NAALADL2: variants seen among roughly 807,000 people sequenced by gnomAD.
The protein encoded by NAALADL2 is N-acetylated alpha-linked acidic dipeptidase like 2.
In NAALADL2, 76 loss-of-function variants were observed where a neutral mutation model predicts 87.2. The observed-to-expected ratio is 0.87, with a 90% CI of 0.72 to 1.05. The LOEUF (loss-of-function observed/expected upper bound fraction) is 1.05. Ranked by LOEUF, NAALADL2 falls within the 50% of genes least tolerant of loss-of-function variation. The pLI is 0.00. For synonymous variants in NAALADL2, 354 were observed against 331.0 expected, an observed-to-expected ratio of 1.07 and a Z score of -0.75; for missense variants, 1,089 against 945.8, an observed-to-expected ratio of 1.15 and a Z score of -1.99.
At chr3:175,551,454 G>T (rs1470403393) in intron 9 of NAALADL2, among the ~76,000 whole-genome samples, 2 of 152,078 alleles carry the variant, frequency 1.3e-5, no homozygotes, top group African/African-American at 4.8e-5. Flanking sequence ...GACAAGATTG[G>T]TTGGCTTCAC....
At chr3:175,465,069 C>T (rs926732382) in intron 7 of NAALADL2, among the ~76,000 whole-genome samples, 3 of 151,844 alleles carry the variant, frequency 2.0e-5, no homozygotes, top group Non-Finnish European at 4.4e-5. Context: ...TCAAATTTTG[C>T]TTATTTGAAT....
At chr3:174,905,993 AT>A (rs1365112161) in intron 1 of NAALADL2, among the ~76,000 whole-genome samples, 1 of 151,824 alleles carries the variant, frequency 6.6e-6, no homozygotes, top group African/African-American at 2.4e-5. Flanking sequence ...TTAATTCTTC[AT>A]TTTTTTCTCG....
chr3:175,767,421 C>T (rs976364328), intron 13 of NAALADL2: 11 of 151,960 alleles, frequency 7.2e-5, no homozygotes, highest in African/African-American at 2.7e-4. Context: ...CTAGTATTTC[C>T]TCCCAGTCTA....
chr3:175,171,514 A>G (rs537593676), intron 2 of NAALADL2, among the ~76,000 whole-genome samples: 1 of 152,248 alleles, frequency 6.6e-6, no homozygotes, highest in East Asian at 1.9e-4. Context: ...CAATGGGTAT[A>G]TGAACATTGG....
intron 2 of NAALADL2, among the ~76,000 whole-genome samples, chr3:174,688,269 C>T (rs1026912233): frequency 3.9e-5 from 6 of 152,022 alleles, no homozygotes; most frequent in African/African-American, 1.4e-4. Context: ...ATTATAGTTA[C>T]CACCTCAATG....
intron 5 of NAALADL2, among the ~76,000 whole-genome samples, chr3:175,400,882 T>C (rs956867211): frequency 5.9e-5 from 9 of 152,148 alleles, no homozygotes; most frequent in African/African-American, 2.2e-4. Context: ...ATCAGGAAGT[T>C]GGTATTTGAA....
At chr3:175,025,293 T>G (rs55723843) in intron 1 of NAALADL2, among the ~76,000 whole-genome samples, 3,752 of 152,076 alleles carry the variant, frequency 0.025, 166 homozygotes, top group African/African-American at 0.087. Context: ...CAGGGATGGG[T>G]AAAACTGGTC....
At chr3:175,551,022 A>G (rs1714256908) in intron 9 of NAALADL2, among the ~76,000 whole-genome samples, 1 of 152,086 alleles carries the variant, frequency 6.6e-6, no homozygotes, top group African/African-American at 2.4e-5. Context: ...TCTGAAAAGC[A>G]TTTTTTATCA....
At chr3:175,701,818 T>C (rs981682676) in intron 11 of NAALADL2, among the ~76,000 whole-genome samples, 1 of 152,224 alleles carries the variant, frequency 6.6e-6, no homozygotes, top group Non-Finnish European at 1.5e-5. Flanking sequence ...ATTATTGTAA[T>C]TGAATTAACT....
chr3:174,550,852 G>C (rs1712034151), intron 2 of NAALADL2: 1 of 151,784 alleles, frequency 6.6e-6, no homozygotes, highest in African/African-American at 2.4e-5. Flanking sequence ...TAATTTTATA[G>C]CATTTTAAAT....
At chr3:174,872,239 G>A (rs1425342092) in intron 1 of NAALADL2, among the ~76,000 whole-genome samples, 1 of 152,048 alleles carries the variant, frequency 6.6e-6, no homozygotes, top group African/African-American at 2.4e-5. Context: ...TTTAGGGGAT[G>A]GGCATTACTT....
rs35378819 is a variant in NAALADL2 at position 175,435,851 on chromosome 3, C to CTT, written c.1091-11365_1091-11364dup. Among the ~76,000 whole-genome samples the CTT allele has an allele frequency of 1.9e-3, 272 of 144,832 alleles. 2 individuals are homozygous for CTT. Among genetic ancestry groups the CTT allele is most frequent in the East Asian group, 0.011 (56 of 4,896 alleles). On this transcript the variant is annotated intron_variant, in intron 5 of 13. Coordinates refer to ENST00000454872, the MANE Select transcript of NAALADL2 (RefSeq NM_207015.3). ...TAACAAAGACTTTACCTGTGTAGTA[C>CTT]TTTTTTTTTTTTTTATACTTTAAGT...
chr3:175,355,975 C>T (rs1764312600), intron 5 of NAALADL2, among the ~76,000 whole-genome samples: 1 of 152,052 alleles, frequency 6.6e-6, no homozygotes, highest in African/African-American at 2.4e-5. Flanking sequence ...GTAGGGAGAA[C>T]ATGAGATTTT....
chr3:175,058,653 CTG>C (rs1712756730), intron 1 of NAALADL2, among the ~76,000 whole-genome samples: 1 of 152,132 alleles, frequency 6.6e-6, no homozygotes, highest in African/African-American at 2.4e-5. Flanking sequence ...TGCAGACACT[CTG>C]TGTCTGTGGG....
At chr3:175,174,823 TACAC>T (rs971157136) in intron 2 of NAALADL2, among the ~76,000 whole-genome samples, 1 of 110,046 alleles carries the variant, frequency 9.1e-6, no homozygotes. Flanking sequence ...TATATATGTA[TACAC>T]ACACACATGC....
At chr3:175,618,474 T>C (rs142292187) in intron 10 of NAALADL2, among the ~76,000 whole-genome samples, 1 of 152,324 alleles carries the variant, frequency 6.6e-6, no homozygotes, top group Non-Finnish European at 1.5e-5. Flanking sequence ...CTTTGCAGCT[T>C]ATAACTTGAC....
intron 4 of NAALADL2, among the ~76,000 whole-genome samples, 158 bp from the exon 5 acceptor site, chr3:175,324,017 C>CA (rs1188339877): frequency 4.0e-4 from 11 of 27,474 alleles, no homozygotes; most frequent in Non-Finnish European, 4.5e-4. Flanking sequence ...GACTCCATCT[C>CA]AAAAAACAAA....
chr3:174,513,693 G>T (rs1282878753), intron 1 of NAALADL2: 1 of 152,048 alleles, frequency 6.6e-6, no homozygotes, highest in Non-Finnish European at 1.5e-5. Context: ...CCATTGTGTT[G>T]TTCCAGATTT....
intron 2 of NAALADL2, among the ~76,000 whole-genome samples, chr3:175,202,067 G>GA (rs1413479585): frequency 6.6e-6 from 1 of 151,348 alleles, no homozygotes; most frequent in African/African-American, 2.4e-5. Context: ...TTTTACATAC[G>GA]AAAACTAAGG....
Sources: allele counts gnomAD v4.1 joint callset (sites outside exome capture counted in the v4.1 genomes callset), GRCh38; gene constraint gnomAD v4.1.1; transcripts MANE v1.5; gene names NCBI Gene and HGNC (gene_info 2026-07-23, HGNC 2026-07-21).